ASAP1: variants seen among roughly 807,000 people sequenced by gnomAD.
ASAP1 encodes the protein arf-GAP with SH3 domain, ANK repeat and PH domain-containing protein 1.
In ASAP1, 43 loss-of-function variants were observed where a neutral mutation model predicts 145.2. That is an observed-to-expected ratio of 0.30 (90% confidence interval 0.23 to 0.38). ASAP1 has a LOEUF of 0.38. Among genes scored for constraint, ASAP1 ranks in the 10% least tolerant of loss-of-function variants. ASAP1 has a pLI of 1.00. For synonymous variants in ASAP1, 546 were observed against 515.5 expected, an observed-to-expected ratio of 1.06 and a Z score of -0.80; for missense variants, 1,018 against 1,355.3, an observed-to-expected ratio of 0.75 and a Z score of 3.91.
At chr8:130,174,425 T>C (rs1239723334) in intron 9 of ASAP1, among the ~76,000 whole-genome samples, 2 of 152,204 alleles carry the variant, frequency 1.3e-5, no homozygotes, top group Non-Finnish European at 2.9e-5. Flanking sequence ...TAAATTACTG[T>C]AACATAACAA....
chr8:130,148,192 A>G (rs1449806742), intron 13 of ASAP1, among the ~76,000 whole-genome samples: 1 of 151,160 alleles, frequency 6.6e-6, no homozygotes, highest in Non-Finnish European at 1.5e-5. Context: ...TGAAACTTTC[A>G]AAGACCTAAC....
chr8:130,370,177 A>G (rs985366503), intron 2 of ASAP1, among the ~76,000 whole-genome samples: 2 of 152,198 alleles, frequency 1.3e-5, no homozygotes, highest in African/African-American at 4.8e-5. Flanking sequence ...TGGCGCACAC[A>G]TATAATCCTA....
intron 1 of ASAP1, among the ~76,000 whole-genome samples, chr8:130,437,120 A>T (rs1274096025): frequency 6.6e-6 from 1 of 152,062 alleles, no homozygotes; most frequent in Non-Finnish European, 1.5e-5. Context: ...AAAAAAAAAA[A>T]AAATTAAAAA....
At chr8:130,286,328 A>C (rs1821609273) in intron 3 of ASAP1, among the ~76,000 whole-genome samples, 1 of 152,224 alleles carries the variant, frequency 6.6e-6, no homozygotes, top group African/African-American at 2.4e-5. Context: ...CTAAAAACAA[A>C]GCTAGCATTT....
intron 3 of ASAP1, among the ~76,000 whole-genome samples, chr8:130,325,109 G>A (rs1824244768): frequency 6.6e-6 from 1 of 152,144 alleles, no homozygotes; most frequent in African/African-American, 2.4e-5. Context: ...ATTCTGGGGG[G>A]CGGAAGAGAA....
intron 2 of ASAP1, among the ~76,000 whole-genome samples, chr8:130,370,160 A>G (rs1827145215): frequency 6.6e-6 from 1 of 152,078 alleles, no homozygotes; most frequent in African/African-American, 2.4e-5. Flanking sequence ...AAATTACCCA[A>G]GCATGGTGGC....
At chr8:130,131,402 T>C (rs2097582763) in intron 15 of ASAP1, among the ~76,000 whole-genome samples, 1 of 151,910 alleles carries the variant, frequency 6.6e-6, no homozygotes, top group Non-Finnish European at 1.5e-5. Context: ...AGGCATGTGC[T>C]TTCTTTGTGG....
At chr8:130,394,201 A>G (rs1437727810) in intron 2 of ASAP1, among the ~76,000 whole-genome samples, 1 of 152,250 alleles carries the variant, frequency 6.6e-6, no homozygotes, top group Non-Finnish European at 1.5e-5. Context: ...GAACAGAGCC[A>G]TATTTCTCTT....
chr8:130,111,765 T>C (rs146426484), intron 24 of ASAP1, among the ~76,000 whole-genome samples: 1 of 152,310 alleles, frequency 6.6e-6, no homozygotes, highest in East Asian at 1.9e-4. Context: ...CTTTACCTCT[T>C]ACCAGTGGTG....
intron 5 of ASAP1, chr8:130,208,551 T>G (rs1162612955): frequency 6.6e-6 from 1 of 152,198 alleles, no homozygotes; most frequent in African/African-American, 2.4e-5. Flanking sequence ...GGGAACTTTT[T>G]TTTTTTCACT....
intron 11 of ASAP1, among the ~76,000 whole-genome samples, chr8:130,162,610 A>T (rs1402200675): frequency 6.6e-6 from 1 of 152,062 alleles, no homozygotes; most frequent in Non-Finnish European, 1.5e-5. Context: ...TGAGGTCAGG[A>T]GATCGAGACC....
chr8:130,195,531 A>C (rs1051765092), intron 5 of ASAP1, among the ~76,000 whole-genome samples: 2 of 151,496 alleles, frequency 1.3e-5, no homozygotes, highest in African/African-American at 4.8e-5. Flanking sequence ...CTGTCTCTTA[A>C]AAAAAAAATT....
At position 130,358,269 on chromosome 8, in the gene ASAP1, C is replaced by T. The variant is rs2138148260; in HGVS notation, c.60-126G>A. ...GCCCGCCACCCGCCGCCCGGCCTGGCGCGCGGCTCCCGTCCCCGGCAGCGG... is the reference window on the plus strand; with the variant it reads ...GCCCGCCACCCGCCGCCCGGCCTGGTGCGCGGCTCCCGTCCCCGGCAGCGG... On this transcript the variant is annotated intron_variant, in intron 2 of 29. Transcript: ENST00000518721. The surrounding 1 kb of genome is among the most constrained non-coding windows in gnomAD (Gnocchi z 4.1). 3.1e-6 allele frequency: 2 copies of T among 649,366 alleles called. No homozygotes were observed. The highest frequency in any genetic ancestry group is 1.5e-4 in the East Asian group (2 of 13,496). 40.2% of individuals were successfully genotyped at this position (649,366 alleles called of 1,614,324 possible). A position where few individuals can be genotyped will look rare whatever the true frequency, so the allele number is the denominator to read the frequency against.
chr8:130,183,261 ATT>A (rs34081670), intron 7 of ASAP1, among the ~76,000 whole-genome samples: 1 of 149,242 alleles, frequency 6.7e-6, no homozygotes, highest in East Asian at 1.9e-4. Flanking sequence ...AAGGTATCAG[ATT>A]TTTTTTTTTA....
intron 12 of ASAP1, among the ~76,000 whole-genome samples, chr8:130,153,332 A>AATATATATATATATATATGT (rs2097650656): frequency 1.1e-5 from 1 of 87,512 alleles, no homozygotes; most frequent in African/African-American, 4.4e-5. Flanking sequence ...CTGCTTTTTA[A>AATATATATATATATATATGT]ATATATATAT....
rs183913690 is a variant in ASAP1 at position 130,311,828 on chromosome 8, G to T, written c.186+46189C>A. Among the ~76,000 whole-genome samples, 8 of 150,102 alleles carry T rather than the reference G, an allele frequency of 5.3e-5. No homozygotes were observed. In the East Asian group the frequency reaches 1.6e-3, roughly 29 times the overall value. On this transcript the variant is annotated intron_variant, in intron 3 of 29. Coordinates refer to ENST00000518721, the MANE Select transcript of ASAP1 (RefSeq NM_018482.4). ...TAATTATAGAAAGCAAAGATTTTAG[G>T]CTAAATAATAATAGTATGTCAAGCT...
chr8:130,393,151 A>T (rs961542166), intron 2 of ASAP1, among the ~76,000 whole-genome samples: 1 of 152,100 alleles, frequency 6.6e-6, no homozygotes, highest in Non-Finnish European at 1.5e-5. Flanking sequence ...CTCATTGTAG[A>T]GCAGGATTTT....
chr8:130,336,796 T>C (rs1007057097), intron 3 of ASAP1, among the ~76,000 whole-genome samples: 3 of 152,140 alleles, frequency 2.0e-5, no homozygotes, highest in Non-Finnish European at 4.4e-5. Flanking sequence ...GTAAGCCAGA[T>C]AGATGTCAGA....
At chr8:130,355,800 T>G (rs1826270468) in intron 3 of ASAP1, among the ~76,000 whole-genome samples, 1 of 152,198 alleles carries the variant, frequency 6.6e-6, no homozygotes, top group Non-Finnish European at 1.5e-5. Flanking sequence ...TTTTCACATC[T>G]ATGCAAAAAG....
Sources: gnomAD v4.1 joint callset for allele counts (sites outside exome capture counted in the v4.1 genomes callset) on GRCh38, gnomAD v4.1.1 for gene constraint, Gnocchi (gnomAD v3.1) non-coding constraint, MANE v1.5 for transcripts, NCBI Gene and HGNC (gene_info 2026-07-23, HGNC 2026-07-21) for gene names.